LAMA1: variants seen among roughly 807,000 people sequenced by gnomAD.
The protein encoded by LAMA1 is laminin subunit alpha-1.
Under a neutral mutation model 348.7 loss-of-function variants are expected in LAMA1, and 219 were observed. That is an observed-to-expected ratio of 0.63 (90% CI 0.56 to 0.70). The LOEUF is 0.70. Among genes scored for constraint, LAMA1 ranks in the 30% least tolerant of loss-of-function variants. The probability of loss-of-function intolerance (pLI) is 0.00; values close to 1 mark genes in which losing one functional copy is unlikely to be tolerated. For missense variants in LAMA1, 3,744 were observed against 3,888.0 expected, an observed-to-expected ratio of 0.96 and a Z score of 0.99; for synonymous variants, 1,487 against 1,491.0, an observed-to-expected ratio of 1.00 and a Z score of 0.06.
chr18:6,942,996 G>GT (rs201278503), intron 62 of LAMA1, among the ~76,000 whole-genome samples, 184 bp downstream of exon 62: 1,817 of 152,234 alleles, frequency 0.012, 36 homozygotes, highest in African/African-American at 0.042. Context: ...ATTAACTTGT[G>GT]TATGTAGATT....
chr18:7,001,859 GCTTATATAAACTCTAACCCCATTCC>G (rs1326278715), intron 30 of LAMA1, among the ~76,000 whole-genome samples: 5 of 152,254 alleles, frequency 3.3e-5, no homozygotes, highest in East Asian at 1.9e-4. Context: ...TTAGGCACCA[GCTTATATAAACTCTAACCCCATTCC>G]CTTATATAAA....
intron 62 of LAMA1, among the ~76,000 whole-genome samples, chr18:6,942,638 TCCTGA>T (rs201751059): frequency 0.034 from 5,211 of 152,140 alleles, 324 homozygotes; most frequent in African/African-American, 0.12. Context: ...GGTCTCAAAC[TCCTGA>T]CCTCAAGTGA....
At chr18:6,984,364 C>T (rs538195209) in intron 39 of LAMA1, among the ~76,000 whole-genome samples, 1 of 152,272 alleles carries the variant, frequency 6.6e-6, no homozygotes, top group African/African-American at 2.4e-5. Context: ...GACTTGTCAC[C>T]CATAACGCAT....
chr18:7,028,107 G>A (rs150242056), intron 16 of LAMA1, among the ~76,000 whole-genome samples: 4 of 152,264 alleles, frequency 2.6e-5, no homozygotes, highest in South Asian at 2.1e-4. Context: ...CATCGGCTTC[G>A]ACATTGTAGG....
chr18:7,077,326 C>G (rs1418740913), intron 3 of LAMA1, among the ~76,000 whole-genome samples: 1 of 151,634 alleles, frequency 6.6e-6, no homozygotes, highest in South Asian at 2.1e-4. Context: ...CTCAGCCTCC[C>G]GAGTAGCTGG....
intron 47 of LAMA1, 74 bp downstream of exon 47, chr18:6,972,983 G>A (rs1568013196): frequency 5.8e-6 from 9 of 1,558,136 alleles, no homozygotes; most frequent in South Asian, 5.6e-5. Context: ...GAGCCACCAC[G>A]CCCGGCCCAT....
At chr18:7,005,814 G>A (rs187068473) in intron 29 of LAMA1, among the ~76,000 whole-genome samples, 5 of 152,268 alleles carry the variant, frequency 3.3e-5, no homozygotes, top group African/African-American at 4.8e-5. Flanking sequence ...CTGCAACCCT[G>A]AAATCCCATC....
intron 46 of LAMA1, 71 bp from the exon 47 acceptor site, chr18:6,973,278 T>G: frequency 1.4e-6 from 2 of 1,423,260 alleles, no homozygotes; most frequent in Non-Finnish European, 9.8e-7. Context: ...TCCCGTTTCC[T>G]TCACACCCAC....
chr18:7,008,749 G>A (rs1047526854), intron 27 of LAMA1, 141 bp from the exon 28 acceptor site: 1 of 953,856 alleles, frequency 1.0e-6, no homozygotes, highest in South Asian at 1.3e-5. Flanking sequence ...GTGATTGTAA[G>A]TGAAGTGTGT....
intron 41 of LAMA1, 39 bp downstream of exon 41, chr18:6,982,458 T>C: frequency 6.5e-7 from 1 of 1,543,520 alleles, no homozygotes; most frequent in Non-Finnish European, 9.0e-7. Flanking sequence ...ACGCTCACGC[T>C]CACTCTGCCT....
chr18:7,019,361 G>A (rs1052180400), intron 19 of LAMA1, among the ~76,000 whole-genome samples: 1 of 151,822 alleles, frequency 6.6e-6, no homozygotes, highest in Non-Finnish European at 1.5e-5. Flanking sequence ...CTTGTTTCTC[G>A]TGTGTCTCCC....
At position 6,947,156 on chromosome 18, in the gene LAMA1, C is replaced by T; in HGVS notation, c.8844+7G>A. 1.9e-6 allele frequency: 3 copies of T among 1,614,194 alleles called. No homozygotes were observed. The highest frequency in any genetic ancestry group is 1.3e-5 in the African/African-American group (1 of 75,034). ...GAGGAAGACCCTCATGGAGAGGAAG[C>T]ACCCACCTTGCCGTCCACAAGCTCT... is the stretch of plus-strand genomic sequence containing the variant. On this transcript the variant is annotated splice_region_variant and intron_variant, in intron 61 of 62. Transcript: ENST00000389658.
chr18:6,956,601 T>A (rs1568006570), intron 56 of LAMA1, 35 bp downstream of exon 56: 2 of 1,613,662 alleles, frequency 1.2e-6, no homozygotes, highest in East Asian at 4.5e-5. Context: ...CTTTGCTGAC[T>A]GGACCTGACT....
At chr18:6,979,692 G>T (rs973420631) in intron 42 of LAMA1, among the ~76,000 whole-genome samples, 2 of 152,128 alleles carry the variant, frequency 1.3e-5, no homozygotes, top group Admixed American at 6.5e-5. Flanking sequence ...GAGGTCAGGA[G>T]ATCGAGACCA....
chr18:6,958,793 ACTGT>A (rs1027444490), intron 54 of LAMA1, 131 bp from the exon 55 acceptor site: 24 of 727,972 alleles, frequency 3.3e-5, no homozygotes, highest in Non-Finnish European at 5.5e-5. Context: ...TTAACAAGAC[ACTGT>A]CTGTGACCAA....
At chr18:6,957,005 C>T in intron 55 of LAMA1, 1 of 492,178 alleles carries the variant, frequency 2.0e-6, no homozygotes, top group Non-Finnish European at 3.7e-6. Flanking sequence ...ATGTCAGACC[C>T]TGGCCATTCC....
intron 36 of LAMA1, 64 bp downstream of exon 36, chr18:6,992,497 T>C (rs1016545605): frequency 6.6e-7 from 1 of 1,526,270 alleles, no homozygotes; most frequent in Non-Finnish European, 9.1e-7. Flanking sequence ...CCTTCTCCTT[T>C]GGAGATAGCG....
intron 42 of LAMA1, among the ~76,000 whole-genome samples, chr18:6,979,900 A>G (rs2057703030): frequency 6.6e-6 from 1 of 152,218 alleles, no homozygotes; most frequent in African/African-American, 2.4e-5. Context: ...CTCTGTCTCA[A>G]AAAATGTGTG....
chr18:6,949,206 C>G lies in LAMA1; in HGVS notation c.8451G>C (p.Glu2817Asp). 1 of 1,614,198 alleles carries G rather than the reference C, an allele frequency of 6.2e-7. No homozygotes were observed. Among genetic ancestry groups the G allele is most frequent in the East Asian group, 2.2e-5 (1 of 44,880 alleles). ...RKGFITVDGR[E>D]SPMVTVVGDG... ...CTCCCACCACAGTCACCATGGGAGA[C>G]TCTCGGCCGTCGACAGTTATGAAGC... The change falls in exon 59 of 63, where the codon GAG (glutamate) becomes GAC (aspartate). Residue 2817 changes from glutamate to aspartate, a missense_variant. Around this residue, in one of 3 missense-constraint regions of LAMA1, gnomAD observed 1,983 missense variants for 1,934.3 expected, o/e 1.03. Transcript: ENST00000389658.
Sources: gnomAD v4.1 joint callset for allele counts (sites outside exome capture counted in the v4.1 genomes callset) on GRCh38, gnomAD v4.1.1 for gene constraint, gnomAD v4.1.1 regional missense constraint, MANE v1.5 for transcripts, NCBI Gene and HGNC (gene_info 2026-07-23, HGNC 2026-07-21) for gene names.